The following USP49 variants were observed in gnomAD, a reference collection of about 807,000 sequenced individuals.
USP49 encodes ubiquitin carboxyl-terminal hydrolase 49.
USP49 carries 24 observed loss-of-function variants against 58.6 expected under a neutral mutation model. The ratio of observed to expected loss-of-function variants is 0.41; its 90% confidence interval spans 0.30 to 0.58. USP49 has a LOEUF of 0.58. Ranked by LOEUF, USP49 falls within the 20% of genes least tolerant of loss-of-function variation. USP49 has a pLI of 0.30. For missense variants in USP49, 703 were observed against 866.1 expected, an observed-to-expected ratio of 0.81 and a Z score of 2.36; for synonymous variants, 408 against 365.1, an observed-to-expected ratio of 1.12 and a Z score of -1.34.
chr6:41,854,293 T>C (rs892567757), intron 3 of USP49, among the ~76,000 whole-genome samples: 1 of 128,998 alleles, frequency 7.8e-6, no homozygotes, highest in African/African-American at 3.0e-5. Context: ...CTCCGGGCTG[T>C]GCGACAGAGC....
chr6:41,870,134 T>C (rs1488841613), intron 3 of USP49, among the ~76,000 whole-genome samples: 1 of 152,360 alleles, frequency 6.6e-6, no homozygotes, highest in East Asian at 1.9e-4. Context: ...CTAACTGGGA[T>C]ACATATGAGA....
intron 3 of USP49, among the ~76,000 whole-genome samples, chr6:41,850,760 G>T (rs1263131365): frequency 6.6e-6 from 1 of 151,544 alleles, no homozygotes; most frequent in Non-Finnish European, 1.5e-5. Context: ...GCGCCACCAC[G>T]CCCAGCTAAT....
chr6:41,797,228 G>A (rs1314097046), intron 7 of USP49, among the ~76,000 whole-genome samples: 1 of 152,024 alleles, frequency 6.6e-6, no homozygotes, highest in Non-Finnish European at 1.5e-5. Flanking sequence ...CCAGAGTGCT[G>A]GGATTACAGG....
At chr6:41,825,402 A>C (rs1330512224) in intron 3 of USP49, among the ~76,000 whole-genome samples, 1 of 151,964 alleles carries the variant, frequency 6.6e-6, no homozygotes, top group Non-Finnish European at 1.5e-5. Context: ...CCGAGCCTTA[A>C]GGTTGTAATG....
chr6:41,807,161 G>A (rs1454972239), intron 3 of USP49, 150 bp from the exon 4 acceptor site: 1 of 916,126 alleles, frequency 1.1e-6, no homozygotes, highest in African/African-American at 1.7e-5. Flanking sequence ...TGGTTCCTTT[G>A]AAAGTTAAAA....
Position 41,803,773 on chromosome 6 carries a change from C to A in USP49, c.1561+33G>T. 1 of 1,609,036 alleles carries A rather than the reference C, an allele frequency of 6.2e-7. No individual in the cohort carries two copies. The highest frequency in any genetic ancestry group is 8.5e-7 in the Non-Finnish European group (1 of 1,175,872). ...TAAACTGATATTCCAATTATTCTTCCCCACTACGCCCCCTCCTCCACACAG... is the reference window on the plus strand; with the variant it reads ...TAAACTGATATTCCAATTATTCTTCACCACTACGCCCCCTCCTCCACACAG... On this transcript the variant is annotated intron_variant, in intron 5 of 7. Coordinates refer to ENST00000682992, the MANE Select transcript of USP49 (RefSeq NM_001286554.2). This position sits in a 1 kb window ranked among gnomAD's most constrained non-coding sequence, Gnocchi z 4.1.
At position 41,873,217 on chromosome 6, in the gene USP49, A is replaced by G. The variant is rs186660070; in HGVS notation, c.-102-1580T>C. Among the ~76,000 whole-genome samples, 11 of 152,278 alleles carry G rather than the reference A, an allele frequency of 7.2e-5. No homozygotes were observed. In the East Asian group the frequency reaches 2.1e-3, roughly 29 times the overall value. ...GGTCAGAAAACACTTTCAGAACAGG[A>G]ATGTTTTAGTAGGGAAGTTGTTTGC... On this transcript the variant is annotated intron_variant, in intron 2 of 7. Transcript: ENST00000682992.
intron 3 of USP49, among the ~76,000 whole-genome samples, chr6:41,826,105 A>G (rs1021679292): frequency 6.6e-6 from 1 of 152,142 alleles, no homozygotes; most frequent in African/African-American, 2.4e-5. Flanking sequence ...CTCTACAAAA[A>G]ATACAAAAAG....
intron 7 of USP49, 116 bp from the exon 8 acceptor site, chr6:41,796,839 C>T: frequency 4.9e-6 from 3 of 618,152 alleles, no homozygotes; most frequent in Admixed American, 2.7e-5. Flanking sequence ...AGCCAACCCT[C>T]GATTATTGGT....
At chr6:41,798,623 C>G in intron 7 of USP49, 101 bp downstream of exon 7, 1 of 1,601,942 alleles carries the variant, frequency 6.2e-7, no homozygotes, top group Non-Finnish European at 8.5e-7. Context: ...TGTAATTTCC[C>G]TCTAGGTAAT....
intron 2 of USP49, among the ~76,000 whole-genome samples, chr6:41,882,204 A>G (rs1382478451): frequency 6.6e-6 from 1 of 152,222 alleles, no homozygotes; most frequent in Non-Finnish European, 1.5e-5. Context: ...GGATGTCACA[A>G]TGACAGGGCA....
rs753133721 is a variant in USP49, at chr6:41,806,305, C to T, written c.679G>A (p.Ala227Thr). ...ACTCTGCGTGAGGTAGGGAGGGCGG[C>T]GGGGCGCGAGGCAGCCGGGCCCGCG... ...RDAGPAASRP[A>T]ALPTSRRVPA... is the part of the protein sequence containing the mutation. The change falls in exon 4 of 8, where the codon GCC (alanine) becomes ACC (threonine). Residue 227 changes from alanine (A) to threonine (T), a missense_variant. Ala to Thr is a moderately conservative substitution (Grantham distance 58). Coordinates refer to ENST00000682992, the MANE Select transcript of USP49 (RefSeq NM_001286554.2). This position sits in a 1 kb window ranked among gnomAD's most constrained non-coding sequence, Gnocchi z 5.9. 7 of 1,584,018 alleles carry T rather than the reference C, an allele frequency of 4.4e-6. No homozygotes were observed. The highest frequency in any genetic ancestry group is 5.1e-6 in the Non-Finnish European group (6 of 1,170,816).
At chr6:41,797,085 C>G (rs1407209464) in intron 7 of USP49, among the ~76,000 whole-genome samples, 3 of 151,766 alleles carry the variant, frequency 2.0e-5, no homozygotes, top group Non-Finnish European at 4.4e-5. Flanking sequence ...CTCAGCCTCT[C>G]GAGTAGCTGG....
intron 3 of USP49, among the ~76,000 whole-genome samples, chr6:41,840,080 T>TA (rs967811423): frequency 1.3e-4 from 19 of 149,092 alleles, no homozygotes; most frequent in East Asian, 1.2e-3. Flanking sequence ...TATTAACATT[T>TA]AAAAAAAAAA....
chr6:41,851,811 C>T (rs1307585145), intron 3 of USP49, among the ~76,000 whole-genome samples: 7 of 151,402 alleles, frequency 4.6e-5, no homozygotes, highest in Admixed American at 3.9e-4. Flanking sequence ...AAAAATTAGC[C>T]AGGCATTGCG....
chr6:41,836,189 C>T (rs1773724867), intron 3 of USP49, among the ~76,000 whole-genome samples: 1 of 152,096 alleles, frequency 6.6e-6, no homozygotes, highest in Admixed American at 6.6e-5. Context: ...ATAGAGAACA[C>T]TAGGTCTTTC....
At chr6:41,889,195 G>C (rs1263399474) in intron 2 of USP49, among the ~76,000 whole-genome samples, 1 of 151,960 alleles carries the variant, frequency 6.6e-6, no homozygotes, top group African/African-American at 2.4e-5. Flanking sequence ...ACCACGTGTG[G>C]CTAATTTTTG....
intron 3 of USP49, among the ~76,000 whole-genome samples, chr6:41,840,396 T>TA (rs1463083903): frequency 6.6e-6 from 1 of 150,600 alleles, no homozygotes; most frequent in African/African-American, 2.4e-5. Context: ...AAAAGAAAAT[T>TA]AAAAAAATAA....
chr6:41,821,237 G>C (rs1773446811), intron 3 of USP49, among the ~76,000 whole-genome samples: 1 of 152,178 alleles, frequency 6.6e-6, no homozygotes, highest in Non-Finnish European at 1.5e-5. Flanking sequence ...TTTCTCAGTA[G>C]TGTTAGTCAC....
Sources: allele counts gnomAD v4.1 joint callset (sites outside exome capture counted in the v4.1 genomes callset), GRCh38; gene constraint gnomAD v4.1.1; non-coding constraint Gnocchi (gnomAD v3.1); transcripts MANE v1.5; gene names NCBI Gene and HGNC (gene_info 2026-07-23, HGNC 2026-07-21).